Variants in ATG7 observed in about 807,000 individuals in gnomAD.
ATG7 encodes the protein autophagy related 7, also known as ubiquitin-like modifier-activating enzyme ATG7.
Under a neutral mutation model 82.4 loss-of-function variants are expected in ATG7, and 70 were observed. The observed-to-expected ratio is 0.85, with a 90% CI of 0.70 to 1.04. The LOEUF (loss-of-function observed/expected upper bound fraction) is 1.04. Among genes scored for constraint, ATG7 ranks in the 50% least tolerant of loss-of-function variants. The pLI is 0.00. For missense variants in ATG7, 792 were observed against 864.3 expected, an observed-to-expected ratio of 0.92 and a Z score of 1.05; for synonymous variants, 287 against 313.0, an observed-to-expected ratio of 0.92 and a Z score of 0.88.
intron 20 of ATG7, chr3:11,477,193 G>A (rs951402199): frequency 2.3e-5 from 29 of 1,288,246 alleles, no homozygotes; most frequent in East Asian, 5.6e-5. Flanking sequence ...ACAAATGGAC[G>A]GAAGAATCAA....
At chr3:11,413,671 T>C (rs1035620072) in intron 19 of ATG7, among the ~76,000 whole-genome samples, 11 of 152,234 alleles carry the variant, frequency 7.2e-5, no homozygotes, top group Non-Finnish European at 1.3e-4. Flanking sequence ...TGCATTAATT[T>C]ATAAGTGGTA....
chr3:11,372,122 C>T (rs1575785584), intron 18 of ATG7, among the ~76,000 whole-genome samples: 1 of 151,410 alleles, frequency 6.6e-6, no homozygotes, highest in East Asian at 1.9e-4. Context: ...TGGTGCCCCA[C>T]ATCTGACAAC....
chr3:11,287,216 A>G (rs2152662179), intron 3 of ATG7, among the ~76,000 whole-genome samples: 1 of 152,316 alleles, frequency 6.6e-6, no homozygotes, highest in South Asian at 2.1e-4. Context: ...GAGTTGAAAA[A>G]CAATACCAAA....
chr3:11,331,004 A>C (rs1397333633), intron 9 of ATG7, among the ~76,000 whole-genome samples: 1 of 152,094 alleles, frequency 6.6e-6, no homozygotes, highest in African/African-American at 2.4e-5. Flanking sequence ...TTACAAGAGG[A>C]TTTTCTCTAC....
At chr3:11,516,716 A>C (rs921173434) in intron 20 of ATG7, among the ~76,000 whole-genome samples, 1 of 152,228 alleles carries the variant, frequency 6.6e-6, no homozygotes, top group Non-Finnish European at 1.5e-5. Flanking sequence ...GTCCATCCAG[A>C]CAATGAAATA....
intron 20 of ATG7, among the ~76,000 whole-genome samples, chr3:11,436,241 A>G (rs970988822): frequency 1.1e-4 from 16 of 152,218 alleles, no homozygotes; most frequent in Non-Finnish European, 2.4e-4. Flanking sequence ...ATCAATAGCC[A>G]TTGGGACAAT....
intron 20 of ATG7, among the ~76,000 whole-genome samples, chr3:11,512,539 C>G (rs1390946530): frequency 6.6e-6 from 1 of 152,180 alleles, no homozygotes; most frequent in Admixed American, 6.5e-5. Context: ...TCACTGACTT[C>G]AAGAATGAAG....
At chr3:11,275,680 C>G (rs1941622742) in intron 1 of ATG7, among the ~76,000 whole-genome samples, 1 of 152,050 alleles carries the variant, frequency 6.6e-6, no homozygotes, top group South Asian at 2.1e-4. Context: ...CCTGATCTCC[C>G]CACCCTTCTC....
chr3:11,427,737 T>A (rs1018815916), intron 20 of ATG7, among the ~76,000 whole-genome samples: 5 of 150,414 alleles, frequency 3.3e-5, no homozygotes, highest in African/African-American at 9.8e-5. Context: ...ATTGCTTGAA[T>A]CCTGGAGGCA....
Position 11,306,452 on chromosome 3 carries a change from G to C in ATG7, c.216-491G>C, listed in dbSNP as rs545360280. Among the ~76,000 whole-genome samples the C allele has an allele frequency of 3.9e-5, 6 of 152,336 alleles. No individual in the cohort carries two copies. The South Asian group carries it at 1.2e-3, about 32-fold the overall frequency. On this transcript the variant is annotated intron_variant, in intron 5 of 20. Transcript: ENST00000693202. Reference sequence around the variant, plus strand: ...GGAAGAGGAGAGATTGATTAGAGCAGGACCTTGAAGCCTGGGAGGGTCTGA... The same window carrying C: ...GGAAGAGGAGAGATTGATTAGAGCACGACCTTGAAGCCTGGGAGGGTCTGA...
At position 11,417,800 on chromosome 3, in the gene ATG7, A is replaced by ATTATTT. The variant is rs1553652380; in HGVS notation, c.1957-9002_1957-9001insATTTTT. On this transcript the variant is annotated intron_variant, in intron 19 of 20. Coordinates refer to ENST00000693202, the MANE Select transcript of ATG7 (RefSeq NM_001349232.2). ...CATTTAAAAAATTATTATTATTATT[A>ATTATTT]TTTTATTTTATTTTATTTTTTTTTT... Among the ~76,000 whole-genome samples the ATTATTT allele has an allele frequency of 1.3e-3, 144 of 109,300 alleles. 7 individuals are homozygous for ATTATTT. Among genetic ancestry groups the ATTATTT allele is most frequent in the Admixed American group, 4.9e-3 (46 of 9,330 alleles). The allele number at this position is 109,300 out of a possible 152,430, so 71.7% of individuals were successfully genotyped here.
chr3:11,528,811 G>A (rs1262896173), intron 20 of ATG7, among the ~76,000 whole-genome samples: 1 of 127,144 alleles, frequency 7.9e-6, no homozygotes, highest in Non-Finnish European at 1.5e-5. Context: ...GGGCGACAGA[G>A]CAAGACTCCA....
At chr3:11,317,584 CTTTT>C (rs370026914) in intron 9 of ATG7, among the ~76,000 whole-genome samples, 3 of 114,468 alleles carry the variant, frequency 2.6e-5, no homozygotes, top group Non-Finnish European at 3.5e-5. Flanking sequence ...TTCTTTCTTT[CTTTT>C]TTTTTTTTTT....
At chr3:11,367,633 A>T (rs1048577662) in intron 18 of ATG7, among the ~76,000 whole-genome samples, 3 of 152,232 alleles carry the variant, frequency 2.0e-5, no homozygotes, top group Non-Finnish European at 4.4e-5. Context: ...CCATCCAAAG[A>T]CTGGCCAAGT....
At chr3:11,320,280 A>G (rs1575425506) in intron 9 of ATG7, among the ~76,000 whole-genome samples, 1 of 147,788 alleles carries the variant, frequency 6.8e-6, no homozygotes, top group South Asian at 2.1e-4. Context: ...AGCACTGTGC[A>G]TCCCTTCTTC....
At chr3:11,275,444 G>A (rs191534202) in intron 1 of ATG7, among the ~76,000 whole-genome samples, 364 of 150,636 alleles carry the variant, frequency 2.4e-3, no homozygotes, top group Admixed American at 4.0e-3. Flanking sequence ...TGCCTCCTGG[G>A]TTCACTCCAT....
rs200182038 is a variant in ATG7, at chr3:11,423,470, A to AT, written c.1957-3325dup. 4.1e-3 allele frequency among the ~76,000 whole-genome samples: 630 copies of AT among 151,888 alleles called. 5 individuals carry two copies. Among genetic ancestry groups the AT allele is most frequent in the African/African-American group, 0.014 (574 of 41,430 alleles). On this transcript the variant is annotated intron_variant, in intron 19 of 20. Transcript: ENST00000693202. ...CAATGCGGGGTTGCCACAACTTTCA[A>AT]TTTTTTTTTCTTTTGTAATCACTAA...
intron 20 of ATG7, among the ~76,000 whole-genome samples, chr3:11,481,324 A>G (rs1427998980): frequency 6.6e-6 from 1 of 152,226 alleles, no homozygotes; most frequent in Non-Finnish European, 1.5e-5. Context: ...AGGTTTTGTT[A>G]GATATATTTT....
At chr3:11,427,362 G>A (rs534424234) in intron 20 of ATG7, among the ~76,000 whole-genome samples, 32 of 152,172 alleles carry the variant, frequency 2.1e-4, no homozygotes, top group African/African-American at 7.2e-4. Context: ...GCTTTTTCAC[G>A]ATTTGATCAG....
Sources: gnomAD v4.1 joint callset for allele counts (sites outside exome capture counted in the v4.1 genomes callset) on GRCh38, gnomAD v4.1.1 for gene constraint, MANE v1.5 for transcripts, NCBI Gene and HGNC (gene_info 2026-07-23, HGNC 2026-07-21) for gene names.